Variants in PLA2R1 observed in about 807,000 individuals in gnomAD.
The protein encoded by PLA2R1 is phospholipase A2 receptor 1, also known as secretory phospholipase A2 receptor.
In PLA2R1, 158 loss-of-function variants were observed where a neutral mutation model predicts 195.9. The observed-to-expected ratio is 0.81, with a 90% CI of 0.71 to 0.92. The LOEUF (loss-of-function observed/expected upper bound fraction) is 0.92. Among genes scored for constraint, PLA2R1 ranks in the 40% least tolerant of loss-of-function variants. The pLI, the probability that PLA2R1 is intolerant of heterozygous loss-of-function variation, is 0.00. For synonymous variants in PLA2R1, 586 were observed against 598.2 expected, an observed-to-expected ratio of 0.98 and a Z score of 0.30; for missense variants, 1,626 against 1,764.6, an observed-to-expected ratio of 0.92 and a Z score of 1.41.
chr2:159,947,351 C>T, intron 26 of PLA2R1, 68 bp downstream of exon 26: 1 of 1,319,122 alleles, frequency 7.6e-7, no homozygotes, highest in Admixed American at 2.3e-5. Flanking sequence ...ATAAAGAAAT[C>T]CACATTGTTT....
In PLA2R1 at chr2:159,941,086, A is replaced by C. The variant is rs61094689; in HGVS notation, c.*692T>G. 0.2 allele frequency: 30,450 copies of C among 152,142 alleles called. 3,503 individuals carry two copies. The highest frequency in any genetic ancestry group is 0.52 in the South Asian group (2,497 of 4,814). The allele number at this position is 152,142 out of a possible 1,614,324, so 9.4% of individuals were successfully genotyped here. A position where few individuals can be genotyped will look rare whatever the true frequency, so the allele number is the denominator to read the frequency against. ...TTAGTAATTGAAAGTTTAAGGCCAC[A>C]TTTTAACTATATGGTTGTTTATAAA... On this transcript the variant is annotated 3_prime_UTR_variant, in exon 30 of 30. Transcript: ENST00000283243.
Position 160,032,969 on chromosome 2 carries a change from A to T in PLA2R1, c.831T>A (p.Asn277Lys), listed in dbSNP as rs757613823. ...LLSITDETEE[N>K]FIREHMSSKT... ...CATCCACCTACTTACCCCTTATGAA[A>T]TTTTCTTCAGTTTCATCTGTAATAC... The change falls in exon 4 of 30, where the codon AAT becomes AAA. Residue 277 changes from asparagine to lysine, a missense_variant. By Grantham distance (94) the Asn-to-Lys change is moderately conservative. Coordinates refer to ENST00000283243, the MANE Select transcript of PLA2R1 (RefSeq NM_007366.5). 4 of 1,609,988 alleles carry T rather than the reference A, an allele frequency of 2.5e-6. No individual in the cohort carries two copies. The highest frequency in any genetic ancestry group is 2.5e-6 in the Non-Finnish European group (3 of 1,177,648).
chr2:159,967,271 T>G (rs905429176), intron 20 of PLA2R1, among the ~76,000 whole-genome samples: 1 of 152,074 alleles, frequency 6.6e-6, no homozygotes, highest in Non-Finnish European at 1.5e-5. Context: ...TAATGAAACA[T>G]TCATACAGCA....
chr2:159,971,697 T>C (rs1307763219), intron 17 of PLA2R1, among the ~76,000 whole-genome samples: 2 of 152,196 alleles, frequency 1.3e-5, no homozygotes, highest in African/African-American at 4.8e-5. Context: ...GAAGGCATTA[T>C]ATATTTAAAT....
chr2:160,060,884 G>C (rs1695907150), intron 1 of PLA2R1, among the ~76,000 whole-genome samples: 1 of 152,142 alleles, frequency 6.6e-6, no homozygotes, highest in South Asian at 2.1e-4. Context: ...AAACTTAGTG[G>C]GAAGGAATCA....
At chr2:160,000,627 CA>C (rs1313279368) in intron 11 of PLA2R1, among the ~76,000 whole-genome samples, 1 of 152,020 alleles carries the variant, frequency 6.6e-6, no homozygotes, top group African/African-American at 2.4e-5. Context: ...TATTAGAAAC[CA>C]AATACAAAAT....
At chr2:159,967,834 G>A (rs1364173651) in intron 19 of PLA2R1, among the ~76,000 whole-genome samples, 156 bp from the exon 20 acceptor site, 1 of 152,022 alleles carries the variant, frequency 6.6e-6, no homozygotes, top group Non-Finnish European at 1.5e-5. Flanking sequence ...GATTTCTCTA[G>A]GGACAACAGC....
chr2:160,016,981 C>T (rs1391461158), intron 8 of PLA2R1, among the ~76,000 whole-genome samples: 1 of 152,146 alleles, frequency 6.6e-6, no homozygotes, highest in Admixed American at 6.5e-5. Context: ...TGATAGCTGC[C>T]ATGTGCTAGG....
At chr2:160,005,529 C>T (rs1691920305) in intron 11 of PLA2R1, 123 bp downstream of exon 11, 1 of 687,022 alleles carries the variant, frequency 1.5e-6, no homozygotes, top group Admixed American at 2.9e-5. Context: ...TGTGTTGATC[C>T]TTGTAATTGA....
In PLA2R1 at chr2:159,956,594, T is replaced by G; in HGVS notation, c.2938A>C (p.Ser980Arg). ...TGAGCATGCGTCCAGTTCTTCCAACTGCTTGGGTCTTTGGGGATATTCAGC... is the reference window on the plus strand; with the variant it reads ...TGAGCATGCGTCCAGTTCTTCCAACGGCTTGGGTCTTTGGGGATATTCAGC... ...LLLNIPKDPS[S>R]WKNWTHAQHF... The change falls in exon 21 of 30, where the codon AGT becomes CGT. Residue 980 changes from serine to arginine, a missense_variant. By Grantham distance (110) the Ser-to-Arg change is moderately radical. Transcript: ENST00000283243. The G allele has an allele frequency of 6.2e-7, 1 of 1,612,950 alleles. No individual in the cohort carries two copies. Among genetic ancestry groups the G allele is most frequent in the South Asian group, 1.1e-5 (1 of 91,042 alleles).
Position 160,005,693 on chromosome 2 carries a change from G to T in PLA2R1, c.1793C>A (p.Pro598His). The T allele has an allele frequency of 6.2e-7, 1 of 1,614,028 alleles. No individual in the cohort carries two copies. The highest frequency in any genetic ancestry group is 1.1e-5 in the South Asian group (1 of 91,078). The stretch of plus-strand genomic sequence containing the variant: ...CCAGTGTGTGTACTGCACCGGCTCG[G>T]GTTTCTGCCCTACTGGCTTCCAAGT... The part of the protein sequence containing the change: ...EYTWKPVGQK[P>H]EPVQYTHWNT... Residue 598 changes from proline (P) to histidine (H), a missense_variant, in exon 11 of 30, where the codon CCC (proline) becomes CAC (histidine). Physicochemically the swap from Pro to His is moderately conservative, Grantham distance 77 (BLOSUM62 -2). Transcript: ENST00000283243.
chr2:159,996,006 A>C (rs565306924), intron 11 of PLA2R1, among the ~76,000 whole-genome samples: 2 of 152,190 alleles, frequency 1.3e-5, no homozygotes, highest in African/African-American at 4.8e-5. Flanking sequence ...TCATCTATCT[A>C]TCTATCTCAC....
chr2:160,008,366 GC>G (rs1692140244), intron 10 of PLA2R1, among the ~76,000 whole-genome samples: 1 of 152,106 alleles, frequency 6.6e-6, no homozygotes, highest in Non-Finnish European at 1.5e-5. Flanking sequence ...TAACGCATAG[GC>G]CAGTGGAATA....
intron 9 of PLA2R1, among the ~76,000 whole-genome samples, chr2:160,013,713 C>CTGTGTG (rs1476484491): frequency 5.8e-5 from 6 of 103,426 alleles, no homozygotes; most frequent in African/African-American, 1.1e-4. Context: ...GTCTCTCTCT[C>CTGTGTG]TCTCTCTCTG....
intron 9 of PLA2R1, 101 bp downstream of exon 9, chr2:160,016,509 GGAGA>G: frequency 1.5e-6 from 1 of 665,814 alleles, no homozygotes; most frequent in Non-Finnish European, 2.7e-6. Flanking sequence ...ATGAAAGAGA[GGAGA>G]GAGAGAGAGG....
chr2:160,026,798 A>G (rs770390190), intron 6 of PLA2R1, among the ~76,000 whole-genome samples: 13 of 152,140 alleles, frequency 8.5e-5, no homozygotes, highest in South Asian at 4.1e-4. Flanking sequence ...ATTGACCCCA[A>G]TGGTTTTCAG....
rs773930721 is a variant in PLA2R1, at chr2:160,005,690, T to C, written c.1796A>G (p.Glu599Gly). The C allele has an allele frequency of 8.7e-6, 14 of 1,614,034 alleles. No individual in the cohort carries two copies. Among genetic ancestry groups the C allele is most frequent in the Non-Finnish European group, 1.1e-5 (13 of 1,179,996 alleles). Reference sequence around the variant, plus strand: ...GTTCCAGTGTGTGTACTGCACCGGCTCGGGTTTCTGCCCTACTGGCTTCCA... The same window carrying C: ...GTTCCAGTGTGTGTACTGCACCGGCCCGGGTTTCTGCCCTACTGGCTTCCA... ...YTWKPVGQKPEPVQYTHWNTH... is the reference protein window; with the variant it reads ...YTWKPVGQKPGPVQYTHWNTH... The change falls in exon 11 of 30, where the codon GAG becomes GGG. Residue 599 changes from glutamate to glycine, a missense_variant. By Grantham distance (98) the Glu-to-Gly change is moderately conservative. Transcript: ENST00000283243.
intron 10 of PLA2R1, among the ~76,000 whole-genome samples, chr2:160,010,793 A>G (rs1401963968): frequency 1.3e-5 from 2 of 152,146 alleles, no homozygotes; most frequent in African/African-American, 2.4e-5. Flanking sequence ...ATGATTAAAA[A>G]CCAAGAGCAT....
intron 20 of PLA2R1, among the ~76,000 whole-genome samples, chr2:159,958,025 G>C (rs1210653269): frequency 6.6e-6 from 1 of 152,138 alleles, no homozygotes; most frequent in African/African-American, 2.4e-5. Context: ...ACTTGAAAAA[G>C]CATCCTTTCC....
Sources: gnomAD v4.1 joint callset for allele counts (sites outside exome capture counted in the v4.1 genomes callset) on GRCh38, gnomAD v4.1.1 for gene constraint, MANE v1.5 for transcripts, NCBI Gene and HGNC (gene_info 2026-07-23, HGNC 2026-07-21) for gene names.